The following PRKG1 variants were observed in gnomAD, a reference collection of about 807,000 sequenced individuals.
PRKG1 encodes protein kinase cGMP-dependent 1, also known as cGMP-dependent protein kinase 1.
In PRKG1, 35 loss-of-function variants were observed where a neutral mutation model predicts 88.1. That is an observed-to-expected ratio of 0.40 (90% confidence interval 0.30 to 0.53). PRKG1 has a LOEUF of 0.53. Among genes scored for constraint, PRKG1 ranks in the 20% least tolerant of loss-of-function variants. The pLI, the probability that PRKG1 is intolerant of heterozygous loss-of-function variation, is 0.59. For synonymous variants in PRKG1, 303 were observed against 292.5 expected (o/e 1.04, Z -0.37); for missense variants, 540 against 839.8 (o/e 0.64, Z 4.41).
intron 1 of PRKG1, among the ~76,000 whole-genome samples, chr10:50,996,188 C>T (rs1253038231): frequency 6.6e-6 from 1 of 152,216 alleles, no homozygotes; most frequent in East Asian, 1.9e-4. Context: ...CCTGCACTAG[C>T]TCATCATTTT....
At chr10:51,701,308 T>G (rs758193302) in intron 3 of PRKG1, among the ~76,000 whole-genome samples, 1 of 152,174 alleles carries the variant, frequency 6.6e-6, no homozygotes, top group Admixed American at 6.5e-5. Flanking sequence ...GCAAAAAAAT[T>G]GTATTATGTA....
chr10:51,014,728 AT>A (rs1372342857), intron 1 of PRKG1, among the ~76,000 whole-genome samples: 1 of 152,170 alleles, frequency 6.6e-6, no homozygotes, highest in African/African-American at 2.4e-5. Context: ...GTACAATTAC[AT>A]GTTTGTTTTA....
rs550868426 is a variant in PRKG1 at position 52,155,616 on chromosome 10, T to A, written c.1002-6273T>A. On this transcript the variant is annotated intron_variant, in intron 8 of 17. Transcript: ENST00000373980. ...CAACTTTGAAATAACTGAAAAAAAA[T>A]CAAGGAGGATACATGCCAAAGTGTT... 4.0e-5 allele frequency among the ~76,000 whole-genome samples: 6 copies of A among 151,732 alleles called. No individual in the cohort carries two copies. In the South Asian group the frequency reaches 1.0e-3, roughly 26 times the overall value.
chr10:52,012,635 C>A (rs185711490), intron 5 of PRKG1, among the ~76,000 whole-genome samples: 1 of 152,278 alleles, frequency 6.6e-6, no homozygotes, highest in African/African-American at 2.4e-5. Flanking sequence ...GATTTACCCA[C>A]CTCTGCCTCC....
chr10:51,366,814 T>C (rs1842599711), intron 2 of PRKG1, among the ~76,000 whole-genome samples: 1 of 151,988 alleles, frequency 6.6e-6, no homozygotes, highest in Non-Finnish European at 1.5e-5. Flanking sequence ...AAGTCTCTCA[T>C]TATTTTAACA....
chr10:51,641,124 C>A (rs1839789019), intron 3 of PRKG1, among the ~76,000 whole-genome samples: 3 of 152,080 alleles, frequency 2.0e-5, no homozygotes, highest in Non-Finnish European at 4.4e-5. Flanking sequence ...ATTAAACAAT[C>A]ATAAATGACT....
intron 9 of PRKG1, among the ~76,000 whole-genome samples, chr10:52,190,983 T>G (rs965114379): frequency 6.6e-6 from 1 of 152,202 alleles, no homozygotes; most frequent in East Asian, 1.9e-4. Context: ...ATTATCACAC[T>G]TAACAAAATG....
At chr10:51,459,611 G>A (rs1839689181) in intron 2 of PRKG1, among the ~76,000 whole-genome samples, 1 of 152,052 alleles carries the variant, frequency 6.6e-6, no homozygotes, top group South Asian at 2.1e-4. Context: ...TAGGAAATAA[G>A]ATACTATTAT....
intron 2 of PRKG1, among the ~76,000 whole-genome samples, chr10:51,305,214 C>T (rs1291864323): frequency 1.3e-5 from 2 of 152,086 alleles, no homozygotes; most frequent in Admixed American, 6.6e-5. Context: ...CTAGTTCTTC[C>T]AAAAGTAGAG....
At chr10:51,256,926 A>G (rs1321680829) in intron 2 of PRKG1, among the ~76,000 whole-genome samples, 1 of 152,250 alleles carries the variant, frequency 6.6e-6, no homozygotes, top group South Asian at 2.1e-4. Flanking sequence ...CCATGTGTAG[A>G]ATGGGATGTG....
chr10:52,058,211 T>C lies in PRKG1; in HGVS notation c.840+3650T>C, dbSNP rs115083005. 9.2e-3 allele frequency among the ~76,000 whole-genome samples: 1,397 copies of C among 152,248 alleles called. 25 individuals carry two copies. The highest frequency in any genetic ancestry group is 0.031 in the African/African-American group (1,291 of 41,558). ...GCTATCTAAAGTAAAATTATCTGAC[T>C]TAACTTTAATGTTAATTTCTCAGTA... On this transcript the variant is annotated intron_variant, in intron 6 of 17. Transcript: ENST00000373980.
At chr10:51,093,038 C>T (rs1379549698) in intron 1 of PRKG1, among the ~76,000 whole-genome samples, 3 of 152,102 alleles carry the variant, frequency 2.0e-5, no homozygotes, top group South Asian at 4.1e-4. Flanking sequence ...CACTACGAAT[C>T]GTTGTGCAGG....
intron 2 of PRKG1, among the ~76,000 whole-genome samples, chr10:51,279,456 T>C (rs533734227): frequency 6.6e-6 from 1 of 152,302 alleles, no homozygotes; most frequent in Admixed American, 6.5e-5. Flanking sequence ...CTTGTGGATC[T>C]GTCTAATGTT....
intron 5 of PRKG1, among the ~76,000 whole-genome samples, chr10:51,989,326 T>C (rs1589490502): frequency 6.6e-6 from 1 of 152,170 alleles, no homozygotes; most frequent in Non-Finnish European, 1.5e-5. Flanking sequence ...TTGCAAGGTG[T>C]TAGTAGACAA....
chr10:51,580,791 TTTTTTA>T (rs1257437735), intron 3 of PRKG1, among the ~76,000 whole-genome samples: 1 of 152,152 alleles, frequency 6.6e-6, no homozygotes, highest in Non-Finnish European at 1.5e-5. Flanking sequence ...TGTCTTTAGC[TTTTTTA>T]TTTTTGTTTT....
chr10:51,292,543 G>A (rs2132224437), intron 2 of PRKG1, among the ~76,000 whole-genome samples: 1 of 152,246 alleles, frequency 6.6e-6, no homozygotes, highest in South Asian at 2.1e-4. Context: ...ATTAAGTCAT[G>A]TTTATTTTTA....
chr10:51,952,960 A>G (rs532038096), intron 5 of PRKG1, among the ~76,000 whole-genome samples: 2 of 152,270 alleles, frequency 1.3e-5, no homozygotes, highest in East Asian at 1.9e-4. Context: ...AATCTAACCA[A>G]CTCATGCCTG....
intron 1 of PRKG1, among the ~76,000 whole-genome samples, chr10:51,117,084 A>G (rs1371639973): frequency 2.0e-5 from 3 of 152,160 alleles, no homozygotes; most frequent in African/African-American, 7.2e-5. Context: ...TGTGGAGCCA[A>G]TTTTGAGGAA....
chr10:51,840,068 C>T (rs528550193), intron 4 of PRKG1, among the ~76,000 whole-genome samples: 20 of 152,244 alleles, frequency 1.3e-4, no homozygotes, highest in Admixed American at 8.5e-4. Context: ...GGTGGCAGAC[C>T]GTTGCCTTTC....
Sources: gnomAD v4.1 joint callset for allele counts (sites outside exome capture counted in the v4.1 genomes callset) on GRCh38, gnomAD v4.1.1 for gene constraint, MANE v1.5 for transcripts, NCBI Gene and HGNC (gene_info 2026-07-23, HGNC 2026-07-21) for gene names.